Variants in FBXO11 observed in about 807,000 individuals in gnomAD.
FBXO11 encodes F-box only protein 11.
A neutral mutation model predicts 117.0 loss-of-function variants in FBXO11; 13 were observed. The observed-to-expected ratio is 0.11, with a 90% confidence interval of 0.07 to 0.18. FBXO11 has a LOEUF of 0.18. Ranked by LOEUF, FBXO11 falls within the 10% of genes least tolerant of loss-of-function variation. The probability of loss-of-function intolerance (pLI) is 1.00; values close to 1 mark genes in which losing one functional copy is unlikely to be tolerated. For missense variants in FBXO11, 767 were observed against 1,164.4 expected, an observed-to-expected ratio of 0.66 and a Z score of 4.97; for synonymous variants, 490 against 380.5, an observed-to-expected ratio of 1.29 and a Z score of -3.35.
intron 1 of FBXO11, among the ~76,000 whole-genome samples, chr2:47,862,536 G>A (rs546936857): frequency 6.6e-6 from 1 of 152,286 alleles, no homozygotes; most frequent in African/African-American, 2.4e-5. Context: ...CAATCCTCCT[G>A]CTTCAGCCTT....
chr2:47,815,739 G>GT (rs1348369354), intron 16 of FBXO11, among the ~76,000 whole-genome samples: 2 of 152,184 alleles, frequency 1.3e-5, no homozygotes, highest in Non-Finnish European at 2.9e-5. Context: ...AGCTGAGGGC[G>GT]TAAGAATCCC....
At chr2:47,859,041 C>CAAAAA (rs11337552) in intron 1 of FBXO11, among the ~76,000 whole-genome samples, 6 of 103,144 alleles carry the variant, frequency 5.8e-5, no homozygotes, top group Non-Finnish European at 7.9e-5. Context: ...ACTCTGTCTC[C>CAAAAA]AAAAAAAAAA....
chr2:47,827,900 T>G (rs1338094213), intron 11 of FBXO11, among the ~76,000 whole-genome samples: 1 of 150,574 alleles, frequency 6.6e-6, no homozygotes. Flanking sequence ...TTTTGCCAAG[T>G]TAGCCAGGCT....
chr2:47,833,296 A>G (rs964533148), intron 7 of FBXO11, among the ~76,000 whole-genome samples: 3 of 152,242 alleles, frequency 2.0e-5, no homozygotes, highest in African/African-American at 7.2e-5. Context: ...ATGCAACGGC[A>G]TATTAAAAAA....
At position 47,842,399 on chromosome 2, in the gene FBXO11, A is replaced by C. The variant is rs141026807; in HGVS notation, c.233-2630T>G. ...TAGTTCTTGCCTTGTTGGTATTACA[A>C]AGATAATACCTTAATAATAACTCAA... is the stretch of plus-strand genomic sequence containing the variant. On this transcript the variant is annotated intron_variant, in intron 1 of 22. Coordinates refer to ENST00000403359, the MANE Select transcript of FBXO11 (RefSeq NM_001190274.2). 5.1e-3 allele frequency among the ~76,000 whole-genome samples: 777 copies of C among 152,340 alleles called. 4 individuals carry two copies. The highest frequency in any genetic ancestry group is 0.024 in the Middle Eastern group (7 of 294).
At chr2:47,826,600 C>A (rs893095720) in intron 11 of FBXO11, among the ~76,000 whole-genome samples, 3 of 152,170 alleles carry the variant, frequency 2.0e-5, no homozygotes, top group African/African-American at 7.2e-5. Context: ...TGTATCCTTT[C>A]AGTGTAGTTT....
At chr2:47,816,191 G>GT (rs997937407) in intron 16 of FBXO11, among the ~76,000 whole-genome samples, 6 of 152,180 alleles carry the variant, frequency 3.9e-5, no homozygotes, top group African/African-American at 9.6e-5. Context: ...GTTTTGTTCT[G>GT]TTTTTTGAGA....
chr2:47,890,775 G>C (rs1677196996), intron 1 of FBXO11, among the ~76,000 whole-genome samples: 1 of 151,834 alleles, frequency 6.6e-6, no homozygotes, highest in Non-Finnish European at 1.5e-5. Flanking sequence ...CTGTGCTCCA[G>C]TCTGGGCGAC....
chr2:47,807,274 C>CTAAAGTGTACTTAAAACAT lies in FBXO11; in HGVS notation c.*825_*843dup. 4.5e-6 allele frequency: 1 copy of CTAAAGTGTACTTAAAACAT among 223,078 alleles called. No individual in the cohort carries two copies. Among genetic ancestry groups the CTAAAGTGTACTTAAAACAT allele is most frequent in the Non-Finnish European group, 9.0e-6 (1 of 111,402 alleles). 13.8% of individuals were successfully genotyped at this position (223,078 alleles called of 1,614,324 possible). On this transcript the variant is annotated 3_prime_UTR_variant, in exon 23 of 23. Transcript: ENST00000403359. The stretch of plus-strand genomic sequence containing the variant: ...GGACTGTTTGTTTTGAAGAGACTTT[C>CTAAAGTGTACTTAAAACAT]TAAAGTGTACTTAAAACATAGTAGT...
Position 47,905,608 on chromosome 2 carries a change from TGCTGGGGCGGCTGCG to T in FBXO11, c.98_112del (p.Pro33_Gln37del), listed in dbSNP as rs1678742731. 8 of 1,348,528 alleles carry T rather than the reference TGCTGGGGCGGCTGCG, an allele frequency of 5.9e-6. No individual in the cohort carries two copies. The highest frequency in any genetic ancestry group is 7.6e-6 in the Non-Finnish European group (8 of 1,048,380). The allele number at this position is 1,348,528 out of a possible 1,614,324, so 83.5% of individuals were successfully genotyped here. A position where few individuals can be genotyped will look rare whatever the true frequency, so the allele number is the denominator to read the frequency against. ...CGGAGGCTGCTGCTGGGGCGGCTGC[TGCTGGGGCGGCTGCG>T]GCGGCGGCTGCTGCGGGGGCTGCTG... On this transcript the variant is annotated inframe_deletion, in exon 1 of 23. Transcript: ENST00000403359.
At chr2:47,880,848 A>G (rs1439301725) in intron 1 of FBXO11, among the ~76,000 whole-genome samples, 1 of 152,108 alleles carries the variant, frequency 6.6e-6, no homozygotes, top group Non-Finnish European at 1.5e-5. Context: ...TTTCACAATC[A>G]CTGCCTTAGG....
At chr2:47,809,482 CTA>C (rs1340222835) in intron 20 of FBXO11, 116 bp downstream of exon 20, 1 of 780,274 alleles carries the variant, frequency 1.3e-6, no homozygotes, top group African/African-American at 1.8e-5. Context: ...CTTTCAAAAT[CTA>C]TCTTAAACTG....
intron 1 of FBXO11, among the ~76,000 whole-genome samples, chr2:47,876,500 A>G (rs909510419): frequency 4.6e-5 from 7 of 152,186 alleles, no homozygotes; most frequent in Non-Finnish European, 8.8e-5. Flanking sequence ...ATTCTTGCTG[A>G]CAGATAATAG....
chr2:47,809,502 C>G (rs1670465871), intron 20 of FBXO11, 98 bp downstream of exon 20: 2 of 891,116 alleles, frequency 2.2e-6, no homozygotes, highest in Non-Finnish European at 3.5e-6. Context: ...CTGTTGCTAA[C>G]TTGGAGAGTG....
rs562709433 is a variant in FBXO11, at chr2:47,897,328, T to C, written c.232+8161A>G. Among the ~76,000 whole-genome samples the C allele has an allele frequency of 1.5e-3, 230 of 152,224 alleles. 1 individual carries two copies. The highest frequency in any genetic ancestry group is 2.7e-3 in the Non-Finnish European group (186 of 68,054). The stretch of plus-strand genomic sequence containing the variant: ...CAAAGGCTAAACTGATTCAAGTCAG[T>C]TGGTTACACTACAGTAACACAGACA... On this transcript the variant is annotated intron_variant, in intron 1 of 22. Transcript: ENST00000403359.
chr2:47,852,606 C>T (rs1036145704), intron 1 of FBXO11, among the ~76,000 whole-genome samples: 2 of 152,144 alleles, frequency 1.3e-5, no homozygotes, highest in African/African-American at 4.8e-5. Context: ...TTACTTTTCA[C>T]TACTAAGTAA....
rs1413213576 is a variant in FBXO11 at position 47,809,270 on chromosome 2, T to C, written c.2447-4A>G. The C allele has an allele frequency of 1.3e-6, 2 of 1,517,778 alleles. No individual in the cohort carries two copies. The highest frequency in any genetic ancestry group is 9.0e-7 in the Non-Finnish European group (1 of 1,106,928). 94.0% of individuals were successfully genotyped at this position (1,517,778 alleles called of 1,614,324 possible). A position where few individuals can be genotyped will look rare whatever the true frequency, so the allele number is the denominator to read the frequency against. ...TGATTGTTCATTATTTTGTTATCTG[T>C]AATAAAAGAAAGAATAAGTAAAAAT... On this transcript the variant is annotated splice_polypyrimidine_tract_variant and splice_region_variant and intron_variant, in intron 20 of 22. Transcript: ENST00000403359.
At chr2:47,843,068 C>T (rs1673133900) in intron 1 of FBXO11, among the ~76,000 whole-genome samples, 1 of 152,190 alleles carries the variant, frequency 6.6e-6, no homozygotes, top group Non-Finnish European at 1.5e-5. Context: ...ATTATTATAG[C>T]TGTGAGTCAA....
At chr2:47,813,169 C>T (rs1670745866) in intron 18 of FBXO11, 65 bp downstream of exon 18, 2 of 1,460,940 alleles carry the variant, frequency 1.4e-6, no homozygotes, top group Non-Finnish European at 9.6e-7. Context: ...TGTCATTGAT[C>T]ATTAAAGATA....
Sources: gnomAD v4.1 joint callset for allele counts (sites outside exome capture counted in the v4.1 genomes callset) on GRCh38, gnomAD v4.1.1 for gene constraint, MANE v1.5 for transcripts, NCBI Gene and HGNC (gene_info 2026-07-23, HGNC 2026-07-21) for gene names.